Variants in ARHGAP32 observed in about 807,000 individuals in gnomAD.
ARHGAP32 encodes Rho GTPase activating protein 32.
A neutral mutation model predicts 186.5 loss-of-function variants in ARHGAP32; 51 were observed. That is an observed-to-expected ratio of 0.27 (90% CI 0.22 to 0.35). The LOEUF is 0.35. Ranked by LOEUF, ARHGAP32 falls within the 10% of genes least tolerant of loss-of-function variation. The pLI, the probability that ARHGAP32 is intolerant of heterozygous loss-of-function variation, is 1.00. For synonymous variants in ARHGAP32, 950 were observed against 964.3 expected (o/e 0.99, Z 0.27); for missense variants, 2,186 against 2,623.5 (o/e 0.83, Z 3.64).
chr11:129,089,587 T>C (rs567660632), intron 6 of ARHGAP32, among the ~76,000 whole-genome samples: 13 of 152,320 alleles, frequency 8.5e-5, no homozygotes, highest in African/African-American at 1.9e-4. Context: ...CCTGACATGA[T>C]GTAGAAGAGG....
At chr11:129,220,008 C>T (rs7932469) in intron 1 of ARHGAP32, among the ~76,000 whole-genome samples, 29,975 of 152,030 alleles carry the variant, frequency 0.2, 3,137 homozygotes, top group Non-Finnish European at 0.23. Flanking sequence ...AGCTCAAGGA[C>T]AAAAAGTGAG....
At chr11:128,971,333 A>G (rs958935238) in intron 22 of ARHGAP32, 174 bp from the exon 23 acceptor site, 9 of 578,358 alleles carry the variant, frequency 1.6e-5, no homozygotes, top group African/African-American at 1.5e-4. Context: ...TTGTGCTGCT[A>G]TTTTGTACAA....
chr11:129,035,511 A>C (rs1182211620), intron 11 of ARHGAP32, among the ~76,000 whole-genome samples: 1 of 152,230 alleles, frequency 6.6e-6, no homozygotes, highest in Non-Finnish European at 1.5e-5. Flanking sequence ...AAACAAGCCC[A>C]AGGCTGACAG....
chr11:129,197,913 G>A (rs1944414996), intron 1 of ARHGAP32, among the ~76,000 whole-genome samples: 1 of 151,968 alleles, frequency 6.6e-6, no homozygotes, highest in Non-Finnish European at 1.5e-5. Flanking sequence ...TTGACATTTG[G>A]TTTAATTCAC....
intron 1 of ARHGAP32, among the ~76,000 whole-genome samples, chr11:129,278,266 A>C (rs1945558700): frequency 6.6e-6 from 1 of 152,240 alleles, no homozygotes; most frequent in Admixed American, 6.5e-5. Context: ...GCAGTGCCCC[A>C]AGCATTTTAA....
chr11:129,076,796 T>C (rs1217738919), intron 6 of ARHGAP32, among the ~76,000 whole-genome samples: 1 of 152,128 alleles, frequency 6.6e-6, no homozygotes, highest in Non-Finnish European at 1.5e-5. Flanking sequence ...CAGAACAGCA[T>C]GTGGAGGCTC....
intron 11 of ARHGAP32, among the ~76,000 whole-genome samples, chr11:129,020,625 T>C (rs1938551954): frequency 6.6e-6 from 1 of 152,244 alleles, no homozygotes; most frequent in South Asian, 2.1e-4. Flanking sequence ...AAATATCATC[T>C]GTATGTTCTG....
At chr11:129,143,523 G>GC (rs1276162441) in intron 2 of ARHGAP32, among the ~76,000 whole-genome samples, 8 of 152,114 alleles carry the variant, frequency 5.3e-5, no homozygotes, top group African/African-American at 1.9e-4. Flanking sequence ...TGGACTACCC[G>GC]CCGGTGACTC....
rs547630430 is a variant in ARHGAP32 at position 129,173,127 on chromosome 11, G to T, written c.117-8700C>A. On this transcript the variant is annotated intron_variant, in intron 1 of 22. Coordinates refer to ENST00000682385, the MANE Select transcript of ARHGAP32 (RefSeq NM_001378024.1). The stretch of plus-strand genomic sequence containing the variant: ...AACAGACACAATAAAAAATGTTTAG[G>T]GACACCACTGACCCCACAGAAATAC... Among the ~76,000 whole-genome samples the T allele has an allele frequency of 2.0e-5, 3 of 151,446 alleles. No homozygotes were observed. The South Asian group carries it at 6.3e-4, about 32-fold the overall frequency.
At chr11:128,991,362 TG>T (rs1192184073) in intron 12 of ARHGAP32, among the ~76,000 whole-genome samples, 1 of 152,002 alleles carries the variant, frequency 6.6e-6, no homozygotes, top group African/African-American at 2.4e-5. Flanking sequence ...GGGAAACAAA[TG>T]AGTCATTTAA....
intron 6 of ARHGAP32, among the ~76,000 whole-genome samples, chr11:129,084,514 A>G (rs1015140966): frequency 8.5e-5 from 13 of 152,204 alleles, no homozygotes; most frequent in African/African-American, 3.1e-4. Flanking sequence ...TTGAAAATCA[A>G]CTAATGTAAT....
chr11:129,081,794 A>G (rs1797688250), intron 6 of ARHGAP32, among the ~76,000 whole-genome samples: 2 of 152,072 alleles, frequency 1.3e-5, no homozygotes, highest in African/African-American at 4.8e-5. Flanking sequence ...TCAGACTGGT[A>G]AAGAGGAAGT....
chr11:129,251,455 CAG>C (rs1945181063), intron 1 of ARHGAP32, among the ~76,000 whole-genome samples: 1 of 152,028 alleles, frequency 6.6e-6, no homozygotes, highest in African/African-American at 2.4e-5. Context: ...TTTAGGAAAA[CAG>C]AAAATGACAT....
At chr11:129,249,861 G>T (rs1945155409) in intron 1 of ARHGAP32, among the ~76,000 whole-genome samples, 1 of 151,986 alleles carries the variant, frequency 6.6e-6, no homozygotes, top group African/African-American at 2.4e-5. Context: ...AGTAAATCCA[G>T]AATTAGACTC....
chr11:128,976,773 A>G lies in ARHGAP32; in HGVS notation c.2123-139T>C, dbSNP rs1945555254. ...TTTGACAGCAATTTAGTACTCTATTACATAATGTGTTATACTGCACATTTT... is the reference window on the plus strand; with the variant it reads ...TTTGACAGCAATTTAGTACTCTATTGCATAATGTGTTATACTGCACATTTT... On this transcript the variant is annotated intron_variant, in intron 19 of 22. Coordinates refer to ENST00000682385, the MANE Select transcript of ARHGAP32 (RefSeq NM_001378024.1). 3 of 690,462 alleles carry G rather than the reference A, an allele frequency of 4.3e-6. No homozygotes were observed. The South Asian group carries it at 5.0e-5, about 12-fold the overall frequency. The allele number at this position is 690,462 out of a possible 1,614,324, so 42.8% of individuals were successfully genotyped here. A position where few individuals can be genotyped will look rare whatever the true frequency, so the allele number is the denominator to read the frequency against.
intron 1 of ARHGAP32, chr11:129,203,107 C>T (rs1944474832): frequency 6.6e-6 from 1 of 152,162 alleles, no homozygotes; most frequent in African/African-American, 2.4e-5. Context: ...ACGGAACAAG[C>T]AAGTTGTATC....
chr11:129,060,533 C>T (rs964375218), intron 10 of ARHGAP32, among the ~76,000 whole-genome samples: 2 of 152,078 alleles, frequency 1.3e-5, no homozygotes, highest in African/African-American at 4.8e-5. Flanking sequence ...AGAACTGACT[C>T]CTTAATAGGA....
chr11:129,262,976 T>C (rs1002381829), intron 1 of ARHGAP32, among the ~76,000 whole-genome samples: 1 of 152,092 alleles, frequency 6.6e-6, no homozygotes, highest in African/African-American at 2.4e-5. Flanking sequence ...TCTACAGGAG[T>C]GTGAAGACCA....
intron 1 of ARHGAP32, among the ~76,000 whole-genome samples, chr11:129,237,815 C>T (rs577433071): frequency 1.5e-4 from 23 of 152,144 alleles, no homozygotes; most frequent in Non-Finnish European, 3.4e-4. Flanking sequence ...AGGAACATGA[C>T]TCTCCTTACA....
Sources: allele counts gnomAD v4.1 joint callset (sites outside exome capture counted in the v4.1 genomes callset), GRCh38; gene constraint gnomAD v4.1.1; transcripts MANE v1.5; gene names NCBI Gene and HGNC (gene_info 2026-07-23, HGNC 2026-07-21).